Variants in CADM2 observed in about 807,000 individuals in gnomAD.
CADM2 encodes immunoglobulin superfamily member 4D.
Under a neutral mutation model 49.8 loss-of-function variants are expected in CADM2, and 12 were observed. The observed-to-expected ratio is 0.24, with a 90% CI of 0.15 to 0.39. The LOEUF is 0.39. Among genes scored for constraint, CADM2 ranks in the 10% least tolerant of loss-of-function variants. The pLI is 1.00. For synonymous variants in CADM2, 214 were observed against 175.4 expected (o/e 1.22, Z -1.74); for missense variants, 378 against 492.3 (o/e 0.77, Z 2.20).
chr3:85,180,844 C>T (rs530681270), intron 1 of CADM2, among the ~76,000 whole-genome samples: 45 of 152,122 alleles, frequency 3.0e-4, no homozygotes, highest in Non-Finnish European at 5.7e-4. Context: ...ACACAATACT[C>T]CTTGAAATGT....
At chr3:85,998,790 A>G (rs548208633) in intron 8 of CADM2, among the ~76,000 whole-genome samples, 14 of 152,178 alleles carry the variant, frequency 9.2e-5, no homozygotes, top group Non-Finnish European at 1.9e-4. Context: ...AGAAATCTAG[A>G]TAATTAACAA....
intron 8 of CADM2, among the ~76,000 whole-genome samples, chr3:86,007,975 T>A (rs911870133): frequency 6.6e-6 from 1 of 152,196 alleles, no homozygotes; most frequent in Non-Finnish European, 1.5e-5. Context: ...GAAAATTTTT[T>A]AAGTATAGCT....
intron 1 of CADM2, among the ~76,000 whole-genome samples, chr3:85,281,352 AT>A (rs2043494727): frequency 1.3e-5 from 2 of 152,002 alleles, no homozygotes; most frequent in African/African-American, 4.8e-5. Flanking sequence ...GTTATTTTAA[AT>A]TTTGGGCAGA....
intron 1 of CADM2, among the ~76,000 whole-genome samples, chr3:85,640,440 T>C (rs529968252): frequency 1.5e-4 from 23 of 152,308 alleles, no homozygotes; most frequent in African/African-American, 5.5e-4. Flanking sequence ...GTAATGTTTA[T>C]ATAGAAGAGA....
At chr3:85,109,144 A>G (rs1476097479) in intron 1 of CADM2, among the ~76,000 whole-genome samples, 1 of 152,012 alleles carries the variant, frequency 6.6e-6, no homozygotes, top group East Asian at 1.9e-4. Flanking sequence ...TGACTATAAT[A>G]TAGTTACTTA....
chr3:85,234,707 T>G (rs926609824), intron 1 of CADM2, among the ~76,000 whole-genome samples: 1 of 152,140 alleles, frequency 6.6e-6, no homozygotes, highest in African/African-American at 2.4e-5. Flanking sequence ...ACAGTTTTAT[T>G]ATACAATGTA....
At chr3:85,653,241 G>A (rs930676862) in intron 1 of CADM2, among the ~76,000 whole-genome samples, 1 of 150,260 alleles carries the variant, frequency 6.7e-6, no homozygotes, top group Non-Finnish European at 1.5e-5. Flanking sequence ...GGCTTTTACT[G>A]TGAGCAAGGA....
chr3:85,053,508 A>T (rs963118355), intron 1 of CADM2, among the ~76,000 whole-genome samples: 1 of 151,988 alleles, frequency 6.6e-6, no homozygotes, highest in Non-Finnish European at 1.5e-5. Flanking sequence ...GTTTTTGAAC[A>T]CTTAAGGCTC....
chr3:85,389,037 G>A (rs182778487), intron 1 of CADM2, among the ~76,000 whole-genome samples: 1 of 151,998 alleles, frequency 6.6e-6, no homozygotes, highest in African/African-American at 2.4e-5. Flanking sequence ...GACATTGTGG[G>A]TATCTTATTG....
chr3:86,019,671 T>G (rs1732854159), intron 8 of CADM2, among the ~76,000 whole-genome samples: 1 of 152,118 alleles, frequency 6.6e-6, no homozygotes, highest in Non-Finnish European at 1.5e-5. Flanking sequence ...ATGATTTGGC[T>G]CTCTGTTTGT....
intron 2 of CADM2, among the ~76,000 whole-genome samples, chr3:85,780,176 T>A (rs1220448617): frequency 6.6e-6 from 1 of 152,170 alleles, no homozygotes. Context: ...TTGTTAATGC[T>A]GCCATCAGAA....
chr3:85,464,058 A>G (rs2038378234), intron 1 of CADM2, among the ~76,000 whole-genome samples: 1 of 152,160 alleles, frequency 6.6e-6, no homozygotes. Flanking sequence ...GCAATGAAGC[A>G]GAAGAGTTCA....
chr3:85,143,544 T>C (rs2039642222), intron 1 of CADM2, among the ~76,000 whole-genome samples: 1 of 152,214 alleles, frequency 6.6e-6, no homozygotes, highest in Non-Finnish European at 1.5e-5. Context: ...AACGACCTTT[T>C]CACCTAATTA....
chr3:85,727,059 A>G (rs1322943807), intron 2 of CADM2, among the ~76,000 whole-genome samples: 1 of 152,088 alleles, frequency 6.6e-6, no homozygotes, highest in East Asian at 1.9e-4. Context: ...ATGTGTTTTC[A>G]TGATAAAAGA....
chr3:85,833,866 T>C (rs548083513), intron 3 of CADM2, among the ~76,000 whole-genome samples: 1 of 151,792 alleles, frequency 6.6e-6, no homozygotes, highest in Admixed American at 6.6e-5. Flanking sequence ...TTGTTTCATA[T>C]GATATTTAGG....
chr3:85,201,221 A>G (rs916627044), intron 1 of CADM2, among the ~76,000 whole-genome samples: 7 of 152,210 alleles, frequency 4.6e-5, no homozygotes, highest in African/African-American at 1.4e-4. Context: ...TTTGTTCCAG[A>G]TCACCACAAT....
At chr3:85,708,365 G>GA (rs1466483253) in intron 1 of CADM2, among the ~76,000 whole-genome samples, 5 of 151,972 alleles carry the variant, frequency 3.3e-5, no homozygotes, top group South Asian at 2.1e-4. Context: ...ACAGCAGTCT[G>GA]AAAAAATCCT....
chr3:85,017,047 T>G (rs1037158367), intron 1 of CADM2, among the ~76,000 whole-genome samples: 2 of 152,170 alleles, frequency 1.3e-5, no homozygotes, highest in South Asian at 2.1e-4. Flanking sequence ...GTAATATCAC[T>G]AAGATCCAAA....
At chr3:85,640,773 C>A (rs1167229492) in intron 1 of CADM2, among the ~76,000 whole-genome samples, 1 of 152,162 alleles carries the variant, frequency 6.6e-6, no homozygotes, top group East Asian at 1.9e-4. Flanking sequence ...TGAAAAAGTA[C>A]TATTGACAAA....
Sources: gnomAD v4.1 joint callset for allele counts (sites outside exome capture counted in the v4.1 genomes callset) on GRCh38, gnomAD v4.1.1 for gene constraint, MANE v1.5 for transcripts, NCBI Gene and HGNC (gene_info 2026-07-23, HGNC 2026-07-21) for gene names.